Variants in ARHGEF7 observed in about 807,000 individuals in gnomAD.
ARHGEF7 encodes PAK-interacting exchange factor beta.
In ARHGEF7, 33 loss-of-function variants were observed where a neutral mutation model predicts 109.8. The observed-to-expected ratio is 0.30, with a 90% confidence interval of 0.23 to 0.40. The LOEUF is 0.40. Ranked by LOEUF, ARHGEF7 falls within the 10% of genes least tolerant of loss-of-function variation. The probability of loss-of-function intolerance (pLI) is 1.00; values close to 1 mark genes in which losing one functional copy is unlikely to be tolerated. For synonymous variants in ARHGEF7, 458 were observed against 424.6 expected (o/e 1.08, Z -0.97); for missense variants, 938 against 1,098.5 (o/e 0.85, Z 2.07).
intron 10 of ARHGEF7, among the ~76,000 whole-genome samples, chr13:111,274,303 G>A (rs982717137): frequency 6.6e-6 from 1 of 152,208 alleles, no homozygotes; most frequent in African/African-American, 2.4e-5. Flanking sequence ...ATGAATGATT[G>A]TGCTCTTTTA....
At chr13:111,218,076 A>G (rs1220280701) in intron 5 of ARHGEF7, among the ~76,000 whole-genome samples, 196 bp downstream of exon 5, 1 of 152,226 alleles carries the variant, frequency 6.6e-6, no homozygotes, top group East Asian at 1.9e-4. Flanking sequence ...TCTAGTTACT[A>G]GCCAGCATTT....
chr13:111,151,312 C>T (rs2075875620), intron 1 of ARHGEF7, among the ~76,000 whole-genome samples: 1 of 152,206 alleles, frequency 6.6e-6, no homozygotes, highest in African/African-American at 2.4e-5. Flanking sequence ...CAGAACCTGC[C>T]TTGCCTGCAA....
Position 111,267,624 on chromosome 13 carries a change from T to C in ARHGEF7, c.1027T>C (p.Tyr343His). 2 of 1,614,126 alleles carry C rather than the reference T, an allele frequency of 1.2e-6. No individual in the cohort carries two copies. The highest frequency in any genetic ancestry group is 1.7e-5 in the Admixed American group (1 of 60,022). Reference protein sequence around the residue: ...MPQMKTLYLTYCANHPSAVNV... With the variant: ...MPQMKTLYLTHCANHPSAVNV... ...ACAGATGAAAACCCTGTACCTCACG[T>C]ATTGTGCCAATCACCCTTCTGCAGT... The change falls in exon 9 of 22, where the codon TAT becomes CAT. Residue 343 changes from tyrosine to histidine, a missense_variant. This residue lies in a region of ARHGEF7 where 585 missense variants were observed against 723.6 expected (regional missense o/e 0.81). Coordinates refer to ENST00000646102, the MANE Select transcript of ARHGEF7 (RefSeq NM_001354046.2).
intron 8 of ARHGEF7, among the ~76,000 whole-genome samples, chr13:111,252,230 A>G (rs759339365): frequency 5.3e-5 from 8 of 152,224 alleles, no homozygotes; most frequent in South Asian, 2.1e-4. Context: ...TTTTACCCAG[A>G]TGTAATTATT....
In ARHGEF7 at chr13:111,120,663, T is replaced by C. The variant is rs117485064; in HGVS notation, c.165+4972T>C. 1.6e-3 allele frequency among the ~76,000 whole-genome samples: 240 copies of C among 152,342 alleles called. 3 individuals are homozygous for C. The highest frequency in any genetic ancestry group is 4.3e-3 in the East Asian group (22 of 5,176). ...CCATCTCAGGACCCGGCCCTCATTC[T>C]ATTAATAGAAGTCACTCCAGAATCT... On this transcript the variant is annotated intron_variant, in intron 1 of 21. Coordinates refer to ENST00000646102, the MANE Select transcript of ARHGEF7 (RefSeq NM_001354046.2).
In ARHGEF7 at chr13:111,283,366, G is replaced by A; in HGVS notation, c.1950+3G>A. 2 of 1,541,170 alleles carry A rather than the reference G, an allele frequency of 1.3e-6. No individual in the cohort carries two copies. The highest frequency in any genetic ancestry group is 1.7e-6 in the Non-Finnish European group (2 of 1,147,502). On this transcript the variant is annotated splice_donor_region_variant and intron_variant, in intron 16 of 21. Transcript: ENST00000646102. ...CAGCTGCTCTCTGCTACAAGGAGGT[G>A]AGGTCCCTTGACCACTCAAACAGCC...
rs1360809174 is a variant in ARHGEF7, at chr13:111,272,359, G to A, written c.1074-1455G>A. ...AGCCCTTGATGGTTCTGGTGTCCCC[G>A]AGACCTCTGGCAGTAGCCAGCTTGG... On this transcript the variant is annotated intron_variant, in intron 9 of 21. Transcript: ENST00000646102. This position sits in a 1 kb window ranked among gnomAD's most constrained non-coding sequence, Gnocchi z 5.2. 6.6e-6 allele frequency among the ~76,000 whole-genome samples: 1 copy of A among 152,208 alleles called. No individual in the cohort carries two copies. Among genetic ancestry groups the A allele is most frequent in the Non-Finnish European group, 1.5e-5 (1 of 68,034 alleles).
intron 19 of ARHGEF7, chr13:111,293,228 G>C: frequency 1.0e-6 from 1 of 985,390 alleles, no homozygotes; most frequent in African/African-American, 1.7e-5. Context: ...AAAGTCAAGT[G>C]CTGTGGCTTC....
At chr13:111,238,569 TAA>T (rs1228892535) in intron 6 of ARHGEF7, among the ~76,000 whole-genome samples, 2 of 152,136 alleles carry the variant, frequency 1.3e-5, no homozygotes, top group African/African-American at 4.8e-5. Flanking sequence ...ATCATATAAT[TAA>T]AAGAGACAGG....
chr13:111,174,471 G>A (rs1244603862), intron 2 of ARHGEF7, among the ~76,000 whole-genome samples: 2 of 152,088 alleles, frequency 1.3e-5, no homozygotes, highest in East Asian at 1.9e-4. Flanking sequence ...TCATCTCCTT[G>A]TCTGTCTCCC....
chr13:111,274,363 C>T (rs1348616065), intron 10 of ARHGEF7, among the ~76,000 whole-genome samples: 1 of 151,892 alleles, frequency 6.6e-6, no homozygotes, highest in African/African-American at 2.4e-5. Context: ...TGAAGTTACT[C>T]TCTTGGCTTG....
At chr13:111,247,423 C>T (rs570991293) in intron 8 of ARHGEF7, among the ~76,000 whole-genome samples, 243 of 152,284 alleles carry the variant, frequency 1.6e-3, no homozygotes, top group Middle Eastern at 3.4e-3. Context: ...CGTGCGCCAC[C>T]ATGCCCAGCT....
chr13:111,148,279 G>T (rs1293935366), intron 1 of ARHGEF7, among the ~76,000 whole-genome samples: 2 of 152,338 alleles, frequency 1.3e-5, no homozygotes, highest in Non-Finnish European at 2.9e-5. Context: ...AGGGACAAAG[G>T]CATAGACCCA....
At chr13:111,282,178 A>C (rs2092809445) in intron 15 of ARHGEF7, among the ~76,000 whole-genome samples, 3 of 91,342 alleles carry the variant, frequency 3.3e-5, no homozygotes, top group African/African-American at 1.4e-4. Context: ...CTATTCTTGA[A>C]ATTGTGGCAT....
chr13:111,115,144 T>TCCCAGCC (rs2066649056), upstream of ARHGEF7: 1 of 139,006 alleles, frequency 7.2e-6, no homozygotes, highest in Admixed American at 7.0e-5. Flanking sequence ...CCCCGCCCGC[T>TCCCAGCC]CCCAGCCGCC....
upstream of ARHGEF7, chr13:111,115,122 CCCCTTT>C (rs1269061072): frequency 6.7e-6 from 1 of 148,312 alleles, no homozygotes; most frequent in African/African-American, 2.4e-5. Flanking sequence ...CGCTCCCCTT[CCCCTTT>C]CCCTTCCCCG....
intron 18 of ARHGEF7, among the ~76,000 whole-genome samples, chr13:111,290,370 G>A (rs1307506475): frequency 1.3e-5 from 2 of 152,148 alleles, no homozygotes; most frequent in East Asian, 1.9e-4. Flanking sequence ...TATTTATATG[G>A]CATTTACATT....
chr13:111,201,807 G>A (rs987823133), intron 2 of ARHGEF7, among the ~76,000 whole-genome samples: 5 of 152,052 alleles, frequency 3.3e-5, no homozygotes, highest in Admixed American at 2.6e-4. Flanking sequence ...CAGCACCGCC[G>A]TGTCCTTCCC....
intron 2 of ARHGEF7, among the ~76,000 whole-genome samples, chr13:111,183,341 AC>A (rs756795364): frequency 3.4e-5 from 5 of 147,136 alleles, no homozygotes; most frequent in Non-Finnish European, 7.4e-5. Context: ...GAGTATTGGC[AC>A]CTTTTTTTTT....
Sources: allele counts gnomAD v4.1 joint callset (sites outside exome capture counted in the v4.1 genomes callset), GRCh38; gene constraint gnomAD v4.1.1; regional missense constraint gnomAD v4.1.1; non-coding constraint Gnocchi (gnomAD v3.1); transcripts MANE v1.5; gene names NCBI Gene and HGNC (gene_info 2026-07-23, HGNC 2026-07-21).